Variants in ENAH observed in about 807,000 individuals in gnomAD.
ENAH encodes ENAH actin regulator.
A neutral mutation model predicts 78.7 loss-of-function variants in ENAH; 23 were observed. That is an observed-to-expected ratio of 0.29 (90% CI 0.21 to 0.41). The LOEUF (loss-of-function observed/expected upper bound fraction) is 0.41, where lower values mean the gene tolerates loss of function less well. ENAH is among the 10% of genes least tolerant of loss of function. The pLI is 1.00. For missense variants in ENAH, 544 were observed against 691.0 expected (o/e 0.79, Z 2.39); for synonymous variants, 226 against 241.0 (o/e 0.94, Z 0.58).
At position 225,490,017 on chromosome 1, in the gene ENAH, TAA is replaced by T. The variant is rs887223820; in HGVS notation, c.*7756_*7757del. The T allele has an allele frequency of 6.6e-6, 1 of 150,832 alleles. No individual in the cohort carries two copies. The highest frequency in any genetic ancestry group is 6.6e-5 in the Admixed American group (1 of 15,134). 9.3% of individuals were successfully genotyped at this position (150,832 alleles called of 1,614,324 possible). On this transcript the variant is annotated 3_prime_UTR_variant, in exon 14 of 14. Transcript: ENST00000366843. ...TGCTTGTATAGTGGCAAGGAAAAAA[TAA>T]AAACAAAACAAAAAGAATTTAAAAA...
chr1:225,517,030 T>C (rs1288025909), intron 6 of ENAH, among the ~76,000 whole-genome samples, 166 bp downstream of exon 6: 1 of 151,602 alleles, frequency 6.6e-6, no homozygotes, highest in Non-Finnish European at 1.5e-5. Context: ...AGGAAAAACA[T>C]TTTTCTACTT....
At chr1:225,611,708 G>A (rs948000603) in intron 1 of ENAH, among the ~76,000 whole-genome samples, 1 of 152,118 alleles carries the variant, frequency 6.6e-6, no homozygotes, top group African/African-American at 2.4e-5. Flanking sequence ...GATCAGCTGA[G>A]CCCAGGAGGT....
chr1:225,520,243 C>T (rs1051230817), intron 4 of ENAH, among the ~76,000 whole-genome samples: 34 of 150,150 alleles, frequency 2.3e-4, no homozygotes, highest in African/African-American at 8.4e-4. Flanking sequence ...TGCAGTGAGC[C>T]GAGATCGTGC....
intron 9 of ENAH, 100 bp from the exon 10 acceptor site, chr1:225,511,959 TC>T: frequency 1.5e-6 from 1 of 668,630 alleles, no homozygotes; most frequent in Non-Finnish European, 2.5e-6. Flanking sequence ...TTTCTGCCAC[TC>T]CCCACTTTCT....
chr1:225,642,961 G>A (rs1448131971), intron 1 of ENAH, among the ~76,000 whole-genome samples: 5 of 152,148 alleles, frequency 3.3e-5, no homozygotes, highest in Non-Finnish European at 5.9e-5. Context: ...CCAGAATGTG[G>A]GGTAACTAGA....
chr1:225,539,774 G>C (rs2096580454), intron 3 of ENAH, among the ~76,000 whole-genome samples: 1 of 147,742 alleles, frequency 6.8e-6, no homozygotes, highest in Admixed American at 6.6e-5. Context: ...TTCCTCTGCA[G>C]AGCCTTTCTG....
chr1:225,602,238 C>G (rs1248382836), intron 1 of ENAH, among the ~76,000 whole-genome samples: 2 of 152,028 alleles, frequency 1.3e-5, no homozygotes, highest in African/African-American at 2.4e-5. Flanking sequence ...CTTCTCCCAA[C>G]AAAGTAAAAC....
intron 1 of ENAH, among the ~76,000 whole-genome samples, chr1:225,643,809 C>T (rs1575847747): frequency 6.6e-6 from 1 of 152,014 alleles, no homozygotes; most frequent in African/African-American, 2.4e-5. Context: ...TGGTGGCGCA[C>T]ATCTGTAGTC....
chr1:225,572,766 C>G (rs574014225), intron 1 of ENAH, among the ~76,000 whole-genome samples: 2 of 152,270 alleles, frequency 1.3e-5, no homozygotes, highest in African/African-American at 2.4e-5. Context: ...TAGTAAATTA[C>G]CAAGCTGTAC....
chr1:225,535,078 C>T (rs1315238546), intron 3 of ENAH, among the ~76,000 whole-genome samples: 1 of 152,078 alleles, frequency 6.6e-6, no homozygotes, highest in Non-Finnish European at 1.5e-5. Flanking sequence ...AACATGCACA[C>T]CTAAAATTAA....
rs776341661 is a variant in ENAH at position 225,497,835 on chromosome 1, T to A, written c.1676-23A>T. On this transcript the variant is annotated intron_variant, in intron 13 of 13. Transcript: ENST00000366843. ...TTGCTGGATGGAAAAGAACAAGTATTGAAAATAAATATAATGATAAAGTAA... is the reference window on the plus strand; with the variant it reads ...TTGCTGGATGGAAAAGAACAAGTATAGAAAATAAATATAATGATAAAGTAA... 11 of 1,602,256 alleles carry A rather than the reference T, an allele frequency of 6.9e-6. No individual in the cohort carries two copies. The South Asian group carries it at 1.2e-4, about 18-fold the overall frequency.
At chr1:225,587,209 A>G (rs904030940) in intron 1 of ENAH, among the ~76,000 whole-genome samples, 5 of 152,156 alleles carry the variant, frequency 3.3e-5, no homozygotes, top group Admixed American at 1.3e-4. Flanking sequence ...AAGAAAGAAA[A>G]GGAAAAAAAA....
intron 3 of ENAH, among the ~76,000 whole-genome samples, chr1:225,550,527 T>G (rs2096636508): frequency 6.6e-6 from 1 of 152,214 alleles, no homozygotes; most frequent in Non-Finnish European, 1.5e-5. Flanking sequence ...CACTATAAAG[T>G]ATTTCTAGAA....
At position 225,491,646 on chromosome 1, in the gene ENAH, C is replaced by T. The variant is rs1050141226; in HGVS notation, c.*6129G>A. ...TTTAAGTGTAAGCCAAGAACCTTTT[C>T]TCTCAGTTTCTATAGACTTGGATGG... On this transcript the variant is annotated 3_prime_UTR_variant, in exon 14 of 14. Coordinates refer to ENST00000366843, the MANE Select transcript of ENAH (RefSeq NM_018212.6). The T allele has an allele frequency of 6.6e-6, 1 of 152,162 alleles. No individual in the cohort carries two copies. The highest frequency in any genetic ancestry group is 2.4e-5 in the African/African-American group (1 of 41,436). 9.4% of individuals were successfully genotyped at this position (152,162 alleles called of 1,614,324 possible). A position where few individuals can be genotyped will look rare whatever the true frequency, so the allele number is the denominator to read the frequency against.
At chr1:225,588,159 T>C (rs571714) in intron 1 of ENAH, among the ~76,000 whole-genome samples, 146,676 of 152,216 alleles carry the variant, frequency 0.96, 70,717 homozygotes, top group East Asian at 1. Context: ...TATAAATTTT[T>C]TCTCAATAAA....
intron 1 of ENAH, among the ~76,000 whole-genome samples, chr1:225,604,235 G>GTA (rs2096943831): frequency 6.6e-6 from 1 of 152,066 alleles, no homozygotes; most frequent in African/African-American, 2.4e-5. Context: ...CTCTTAGGAG[G>GTA]TATTCTGGAC....
chr1:225,526,982 C>CA (rs1398411714), intron 4 of ENAH, among the ~76,000 whole-genome samples: 1 of 152,146 alleles, frequency 6.6e-6, no homozygotes, highest in Non-Finnish European at 1.5e-5. Flanking sequence ...GGACGAGTGT[C>CA]AACATCTCTG....
intron 1 of ENAH, among the ~76,000 whole-genome samples, chr1:225,643,876 G>A (rs568800296): frequency 1.3e-5 from 2 of 152,248 alleles, no homozygotes; most frequent in African/African-American, 4.8e-5. Flanking sequence ...GTTCGAGGCT[G>A]CAGTAAGCTA....
intron 1 of ENAH, among the ~76,000 whole-genome samples, chr1:225,616,574 T>A (rs548171721): frequency 0.017 from 2,578 of 152,140 alleles, 29 homozygotes; most frequent in Non-Finnish European, 0.029. Flanking sequence ...ATATAGTATT[T>A]ATAATTATAT....
Sources: gnomAD v4.1 joint callset for allele counts (sites outside exome capture counted in the v4.1 genomes callset) on GRCh38, gnomAD v4.1.1 for gene constraint, MANE v1.5 for transcripts, NCBI Gene and HGNC (gene_info 2026-07-23, HGNC 2026-07-21) for gene names.